WWP2: variants seen among roughly 807,000 people sequenced by gnomAD.
WWP2 encodes NEDD4-like E3 ubiquitin-protein ligase WWP2.
A neutral mutation model predicts 121.0 loss-of-function variants in WWP2; 57 were observed. That is an observed-to-expected ratio of 0.47 (90% CI 0.38 to 0.59). The LOEUF (loss-of-function observed/expected upper bound fraction) is 0.59. Ranked by LOEUF, WWP2 falls within the 20% of genes least tolerant of loss-of-function variation. WWP2 has a pLI of 0.00. For synonymous variants in WWP2, 449 were observed against 441.3 expected (o/e 1.02, Z -0.22); for missense variants, 962 against 1,158.9 (o/e 0.83, Z 2.47).
At chr16:69,860,856 A>G (rs1435420024) in intron 6 of WWP2, among the ~76,000 whole-genome samples, 2 of 148,168 alleles carry the variant, frequency 1.3e-5, no homozygotes, top group African/African-American at 5.1e-5. Context: ...AAAAAAAAGG[A>G]AAGAAAGAAC....
intron 7 of WWP2, among the ~76,000 whole-genome samples, chr16:69,885,708 T>A (rs188251827): frequency 1.3e-5 from 2 of 152,346 alleles, no homozygotes; most frequent in Admixed American, 1.3e-4. Flanking sequence ...TTAGGTGCTA[T>A]ATGACCTTGA....
rs763648511 is a variant in WWP2, at chr16:69,925,499, C to T, written c.1234+15C>T. 16 of 1,613,540 alleles carry T rather than the reference C, an allele frequency of 9.9e-6. No homozygotes were observed. Among genetic ancestry groups the T allele is most frequent in the Non-Finnish European group, 1.2e-5 (14 of 1,179,760 alleles). On this transcript the variant is annotated intron_variant, in intron 11 of 23. Coordinates refer to ENST00000359154, the MANE Select transcript of WWP2 (RefSeq NM_001270454.2). The surrounding 1 kb of genome is among the most constrained non-coding windows in gnomAD (Gnocchi z 4.0). ...TCCTGGCTGGGGTAAGTACTGAGTTCTCTTCCTGGCCCTTGGCCTTCCGTC... is the reference window on the plus strand; with the variant it reads ...TCCTGGCTGGGGTAAGTACTGAGTTTTCTTCCTGGCCCTTGGCCTTCCGTC...
chr16:69,808,999 G>C (rs2056338610), intron 4 of WWP2, among the ~76,000 whole-genome samples: 1 of 152,192 alleles, frequency 6.6e-6, no homozygotes, highest in South Asian at 2.1e-4. Flanking sequence ...ACTGTGCTCT[G>C]ATCGTTTGTA....
intron 8 of WWP2, among the ~76,000 whole-genome samples, chr16:69,893,140 A>G (rs2058055029): frequency 6.6e-6 from 1 of 152,130 alleles, no homozygotes; most frequent in Non-Finnish European, 1.5e-5. Flanking sequence ...ATTCCTATAC[A>G]TCTTCAAGTG....
At position 69,799,190 on chromosome 16, in the gene WWP2, A is replaced by T. The variant is rs749282458; in HGVS notation, c.235A>T (p.Ser79Cys). 6.2e-7 allele frequency: 1 copy of T among 1,613,658 alleles called. No homozygotes were observed. The highest frequency in any genetic ancestry group is 8.5e-7 in the Non-Finnish European group (1 of 1,179,864). Residue 79 changes from serine (S) to cysteine (C), a missense_variant, in exon 4 of 24, where the codon AGT becomes TGT. By Grantham distance (112) the Ser-to-Cys change is moderately radical. Transcript: ENST00000359154. This position sits in a 1 kb window ranked among gnomAD's most constrained non-coding sequence, Gnocchi z 4.5. ...GTTTTTCAGGAATGTCACGGCACAG[A>T]GTCATTTAGATTTAAAGGTCTGGAG... ...EIIILNVTAQ[S>C]HLDLKVWSCH...
intron 7 of WWP2, among the ~76,000 whole-genome samples, chr16:69,886,731 G>A (rs1189928024): frequency 6.6e-6 from 1 of 152,196 alleles, no homozygotes. Flanking sequence ...TTCCACTCCA[G>A]CTTGGGTGAC....
intron 4 of WWP2, among the ~76,000 whole-genome samples, chr16:69,837,532 C>A (rs901919509): frequency 6.6e-6 from 1 of 152,178 alleles, no homozygotes; most frequent in Non-Finnish European, 1.5e-5. Flanking sequence ...CAGGCTATCT[C>A]TCTGCCTTCT....
intron 2 of WWP2, among the ~76,000 whole-genome samples, chr16:69,787,753 T>C (rs1281111099): frequency 6.6e-6 from 1 of 152,222 alleles, no homozygotes; most frequent in African/African-American, 2.4e-5. Context: ...GAACTCCTGA[T>C]TTATAACCAG....
chr16:69,823,386 T>A (rs1407627984), intron 4 of WWP2, among the ~76,000 whole-genome samples: 1 of 152,056 alleles, frequency 6.6e-6, no homozygotes, highest in African/African-American at 2.4e-5. Context: ...AGAGGTTGAG[T>A]CCCTGGAGAA....
At chr16:69,801,530 T>C (rs966247634) in intron 4 of WWP2, among the ~76,000 whole-genome samples, 21 of 152,106 alleles carry the variant, frequency 1.4e-4, no homozygotes, top group African/African-American at 4.3e-4. Flanking sequence ...CCACTGCGTC[T>C]GGCCAATTAA....
intron 1 of WWP2, chr16:69,783,267 C>A (rs1357199190): frequency 6.6e-6 from 1 of 152,204 alleles, no homozygotes; most frequent in African/African-American, 2.4e-5. Flanking sequence ...GCGTTGGCCT[C>A]CCAAAGTGCT....
At chr16:69,795,689 T>G (rs2056024389) in intron 2 of WWP2, among the ~76,000 whole-genome samples, 1 of 129,744 alleles carries the variant, frequency 7.7e-6, no homozygotes, top group Non-Finnish European at 1.6e-5. Flanking sequence ...AGAGTCTCTC[T>G]CCATCACCCA....
intron 6 of WWP2, among the ~76,000 whole-genome samples, chr16:69,861,909 C>T (rs1406576798): frequency 1.3e-5 from 2 of 152,042 alleles, no homozygotes; most frequent in Non-Finnish European, 2.9e-5. Context: ...AGAGTGTGCT[C>T]AGAGGAAGGA....
At position 69,925,210 on chromosome 16, in the gene WWP2, C is replaced by G; in HGVS notation, c.1180-220C>G. 1 of 1,394,550 alleles carries G rather than the reference C, an allele frequency of 7.2e-7. No individual in the cohort carries two copies. The highest frequency in any genetic ancestry group is 9.3e-7 in the Non-Finnish European group (1 of 1,074,060). The allele number at this position is 1,394,550 out of a possible 1,614,324, so 86.4% of individuals were successfully genotyped here. ...GCCTTTTCCAAAACTCACTTGGGCC[C>G]TCCGTGCGCAGGGTTCTTTTTTGGT... On this transcript the variant is annotated intron_variant, in intron 10 of 23. Transcript: ENST00000359154. The surrounding 1 kb of genome is among the most constrained non-coding windows in gnomAD (Gnocchi z 4.0).
At chr16:69,843,352 C>A (rs1291495043) in intron 6 of WWP2, among the ~76,000 whole-genome samples, 2 of 152,058 alleles carry the variant, frequency 1.3e-5, no homozygotes, top group East Asian at 3.9e-4. Flanking sequence ...GGTGCAAACT[C>A]ATTTCCATGG....
chr16:69,888,227 GC>G lies in WWP2; in HGVS notation c.897del (p.Asp300ThrfsTer124). Reference protein sequence around the residue: ...GTQQLPAAAQAPDALPAGWEQ... With the variant: ...GTQQLPAAAQXPDALPAGWEQ... Reference sequence around the variant, plus strand: ...ACAGCAGCTCCCAGCGGCTGCCCAGGCCCCCGACGCTCTGCCTGCTGGGTGA... The same window carrying G: ...ACAGCAGCTCCCAGCGGCTGCCCAGGCCCCGACGCTCTGCCTGCTGGGTGA... On this transcript the variant is annotated frameshift_variant, in exon 8 of 24. Transcript: ENST00000359154. LOFTEE classifies it high-confidence loss of function. The G allele has an allele frequency of 6.2e-7, 1 of 1,614,066 alleles. No individual in the cohort carries two copies. Among genetic ancestry groups the G allele is most frequent in the Non-Finnish European group, 8.5e-7 (1 of 1,180,024 alleles).
chr16:69,823,615 G>A (rs1223206051), intron 4 of WWP2, among the ~76,000 whole-genome samples: 2 of 151,890 alleles, frequency 1.3e-5, no homozygotes, highest in Non-Finnish European at 2.9e-5. Flanking sequence ...TTACAGGTGT[G>A]TACCACCACA....
chr16:69,838,184 G>A (rs531631346), intron 4 of WWP2, among the ~76,000 whole-genome samples: 2 of 152,274 alleles, frequency 1.3e-5, no homozygotes, highest in Admixed American at 6.5e-5. Context: ...CAGCTTATTA[G>A]GAACTCGGTA....
intron 6 of WWP2, among the ~76,000 whole-genome samples, chr16:69,862,690 T>C (rs1357082139): frequency 6.7e-6 from 1 of 149,600 alleles, no homozygotes; most frequent in East Asian, 2.0e-4. Context: ...GAACCTGGTA[T>C]CCAGCCAGCC....
Sources: gnomAD v4.1 joint callset for allele counts (sites outside exome capture counted in the v4.1 genomes callset) on GRCh38, gnomAD v4.1.1 for gene constraint, Gnocchi (gnomAD v3.1) non-coding constraint, MANE v1.5 for transcripts, NCBI Gene and HGNC (gene_info 2026-07-23, HGNC 2026-07-21) for gene names.